Variants in NLGN1 observed in about 807,000 individuals in gnomAD.
NLGN1 encodes the protein neuroligin 1, also known as neuroligin-1.
Under a neutral mutation model 65.5 loss-of-function variants are expected in NLGN1, and 12 were observed. The ratio of observed to expected loss-of-function variants is 0.18; its 90% CI spans 0.12 to 0.30. The LOEUF (loss-of-function observed/expected upper bound fraction) is 0.30, where lower values mean the gene tolerates loss of function less well. Ranked by LOEUF, NLGN1 falls within the 10% of genes least tolerant of loss-of-function variation. The probability of loss-of-function intolerance (pLI) is 1.00; values close to 1 mark genes in which losing one functional copy is unlikely to be tolerated. For missense variants in NLGN1, 750 were observed against 1,007.1 expected (o/e 0.74, Z 3.46); for synonymous variants, 350 against 359.5 (o/e 0.97, Z 0.30).
chr3:174,213,953 G>A (rs1218198286), intron 4 of NLGN1, among the ~76,000 whole-genome samples: 2 of 152,122 alleles, frequency 1.3e-5, no homozygotes, highest in African/African-American at 4.8e-5. Flanking sequence ...GCCTTAAAGG[G>A]CTTTTATCTC....
chr3:173,770,565 C>T (rs1252693477), intron 3 of NLGN1, among the ~76,000 whole-genome samples: 1 of 152,008 alleles, frequency 6.6e-6, no homozygotes, highest in Non-Finnish European at 1.5e-5. Context: ...AATTTTAGTT[C>T]AGTGCTGCTC....
At chr3:173,989,986 G>C (rs1163500754) in intron 4 of NLGN1, among the ~76,000 whole-genome samples, 1 of 152,150 alleles carries the variant, frequency 6.6e-6, no homozygotes, top group African/African-American at 2.4e-5. Flanking sequence ...GAAGAATAAG[G>C]TTGGCATATT....
chr3:173,841,192 A>G (rs1724716141), intron 4 of NLGN1, among the ~76,000 whole-genome samples: 2 of 152,084 alleles, frequency 1.3e-5, no homozygotes, highest in Middle Eastern at 3.2e-3. Flanking sequence ...AAATGTGACA[A>G]TTTCATGGTG....
chr3:173,911,163 CA>C (rs1739509742), intron 4 of NLGN1, among the ~76,000 whole-genome samples: 1 of 152,278 alleles, frequency 6.6e-6, no homozygotes, highest in Admixed American at 6.5e-5. Context: ...ATCCCCCAAA[CA>C]ATAAAAATGT....
At chr3:174,106,600 A>T (rs1713869050) in intron 4 of NLGN1, among the ~76,000 whole-genome samples, 1 of 152,096 alleles carries the variant, frequency 6.6e-6, no homozygotes, top group African/African-American at 2.4e-5. Flanking sequence ...GCAAAGAGAG[A>T]TCCTGTATTA....
chr3:173,733,508 C>A (rs1773205539), intron 3 of NLGN1, among the ~76,000 whole-genome samples: 1 of 152,066 alleles, frequency 6.6e-6, no homozygotes, highest in Non-Finnish European at 1.5e-5. Flanking sequence ...CTTTTCTCCA[C>A]AACAGAGGGC....
chr3:173,944,267 T>C (rs1192195383), intron 4 of NLGN1, among the ~76,000 whole-genome samples: 1 of 151,970 alleles, frequency 6.6e-6, no homozygotes, highest in Non-Finnish European at 1.5e-5. Flanking sequence ...TTTATGGTAA[T>C]TCCCAATTGA....
intron 3 of NLGN1, among the ~76,000 whole-genome samples, chr3:173,750,678 C>T (rs769212376): frequency 1.3e-5 from 2 of 152,044 alleles, no homozygotes; most frequent in Non-Finnish European, 2.9e-5. Flanking sequence ...TTGTACACTG[C>T]AGAAATAGTG....
At chr3:173,698,243 A>G (rs141386667) in intron 3 of NLGN1, among the ~76,000 whole-genome samples, 47 of 152,312 alleles carry the variant, frequency 3.1e-4, no homozygotes, top group African/African-American at 1.1e-3. Context: ...GATAATGCTT[A>G]TGGTATTTTT....
chr3:174,082,462 A>G (rs756488629), intron 4 of NLGN1, among the ~76,000 whole-genome samples: 8 of 152,056 alleles, frequency 5.3e-5, no homozygotes, highest in Non-Finnish European at 1.0e-4. Context: ...AAAATGAGAC[A>G]CTTTTAAATG....
chr3:174,265,882 A>T (rs1748059543), intron 4 of NLGN1, among the ~76,000 whole-genome samples: 1 of 143,928 alleles, frequency 6.9e-6, no homozygotes, highest in Non-Finnish European at 1.5e-5. Context: ...TATAATATAT[A>T]TATACGTATA....
At chr3:174,203,374 T>C (rs1734848872) in intron 4 of NLGN1, among the ~76,000 whole-genome samples, 1 of 152,258 alleles carries the variant, frequency 6.6e-6, no homozygotes, top group Non-Finnish European at 1.5e-5. Context: ...TCATTCCTTC[T>C]GTGAAACATA....
intron 2 of NLGN1, among the ~76,000 whole-genome samples, chr3:173,552,427 A>G (rs1741028675): frequency 6.6e-6 from 1 of 152,118 alleles, no homozygotes; most frequent in Admixed American, 6.5e-5. Flanking sequence ...GAGTGCCTCT[A>G]ATTTTTCCTA....
intron 4 of NLGN1, among the ~76,000 whole-genome samples, chr3:174,044,220 G>C (rs2861663): frequency 6.6e-6 from 1 of 152,150 alleles, no homozygotes; most frequent in East Asian, 1.9e-4. Flanking sequence ...GTGATGCTAA[G>C]GGCTGCTGTG....
At chr3:173,604,401 T>G in exon 3 of NLGN1, 1 of 653,092 alleles carries the variant, frequency 1.5e-6, no homozygotes, top group Non-Finnish European at 2.7e-6. Context: ...TGATAAATAG[T>G]GATGATTGAA....
chr3:173,662,917 A>G (rs1347383358), intron 3 of NLGN1, among the ~76,000 whole-genome samples: 1 of 152,048 alleles, frequency 6.6e-6, no homozygotes, highest in Non-Finnish European at 1.5e-5. Flanking sequence ...TAAACTAACT[A>G]TGCACATTAA....
At chr3:174,029,700 A>C (rs1729549694) in intron 4 of NLGN1, among the ~76,000 whole-genome samples, 1 of 152,140 alleles carries the variant, frequency 6.6e-6, no homozygotes, top group African/African-American at 2.4e-5. Context: ...AATTGTAATA[A>C]TCCCCATATG....
chr3:173,798,936 A>G (rs1352419), intron 3 of NLGN1, among the ~76,000 whole-genome samples: 128,175 of 151,830 alleles, frequency 0.84, 54,969 homozygotes, highest in African/African-American at 0.93. Context: ...TCATTCTTTG[A>G]GAGTTATAAT....
At position 173,544,259 on chromosome 3, in the gene NLGN1, CGT is replaced by C. The variant is rs3980148; in HGVS notation, c.-320-59988_-320-59987del. On this transcript the variant is annotated intron_variant, in intron 2 of 6. Transcript: ENST00000457714. The stretch of plus-strand genomic sequence containing the variant: ...GTAGTAAAGTACCAAGATTATATTA[CGT>C]GTGTGTGTGTGTGTGTGTGTGTGTG... Among the ~76,000 whole-genome samples the C allele has an allele frequency of 6.3e-3, 908 of 144,208 alleles. 19 individuals are homozygous for C. In the East Asian group the frequency reaches 0.077, roughly 12 times the overall value. The allele number at this position is 144,208 out of a possible 152,430, so 94.6% of individuals were successfully genotyped here.
Sources: gnomAD v4.1 joint callset for allele counts (sites outside exome capture counted in the v4.1 genomes callset) on GRCh38, gnomAD v4.1.1 for gene constraint, MANE v1.5 for transcripts, NCBI Gene and HGNC (gene_info 2026-07-23, HGNC 2026-07-21) for gene names.